Variants in SEMA4C observed in about 807,000 individuals in gnomAD.
The protein encoded by SEMA4C is semaphorin-4C.
A neutral mutation model predicts 89.0 loss-of-function variants in SEMA4C; 19 were observed. The ratio of observed to expected loss-of-function variants is 0.21; its 90% CI spans 0.15 to 0.31. The LOEUF (loss-of-function observed/expected upper bound fraction) is 0.31. Ranked by LOEUF, SEMA4C falls within the 10% of genes least tolerant of loss-of-function variation. The pLI, the probability that SEMA4C is intolerant of heterozygous loss-of-function variation, is 1.00. For missense variants in SEMA4C, 811 were observed against 1,107.0 expected, an observed-to-expected ratio of 0.73 and a Z score of 3.79; for synonymous variants, 428 against 472.7, an observed-to-expected ratio of 0.91 and a Z score of 1.23.
rs1472689531 is a variant in SEMA4C, at chr2:96,860,694, C to T, written c.2434G>A (p.Glu812Lys). 6.2e-7 allele frequency: 1 copy of T among 1,613,464 alleles called. No individual in the cohort carries two copies. Among genetic ancestry groups the T allele is most frequent in the Non-Finnish European group, 8.5e-7 (1 of 1,179,924 alleles). Residue 812 changes from glutamate to lysine, a missense_variant, in exon 15 of 15, where the codon GAA becomes AAA. By Grantham distance (56) the Glu-to-Lys change is moderately conservative. Coordinates refer to ENST00000305476, the MANE Select transcript of SEMA4C (RefSeq NM_017789.5). Reference protein sequence around the residue: ...LGHPLPELADELRRKLQQRQP... With the variant: ...LGHPLPELADKLRRKLQQRQP... ...CGTTGCTGCAGTTTGCGTCTCAGTT[C>T]ATCCGCGAGCTCAGGCAGGGGGTGC...
In SEMA4C at chr2:96,860,972, G is replaced by A. The variant is rs185428881; in HGVS notation, c.2156C>T (p.Pro719Leu). 1.2e-6 allele frequency: 2 copies of A among 1,613,026 alleles called. No homozygotes were observed. The highest frequency in any genetic ancestry group is 1.1e-5 in the South Asian group (1 of 91,090). Residue 719 changes from proline to leucine, a missense_variant, in exon 15 of 15, where the codon CCC (proline) becomes CTC (leucine). By Grantham distance (98) the Pro-to-Leu change is moderately conservative. Coordinates refer to ENST00000305476, the MANE Select transcript of SEMA4C (RefSeq NM_017789.5). ...LELPKEPTSP[P>L]FRPCPEPDEK... ...ATCTGGTTCAGGACAGGGCCGGAAG[G>A]GGGGACTGGTGGGCTCCTTGGGCAG...
At chr2:96,863,264 A>G in intron 12 of SEMA4C, 1 of 1,016,270 alleles carries the variant, frequency 9.8e-7, no homozygotes, top group Non-Finnish European at 1.2e-6. Flanking sequence ...ACTTCAGGGA[A>G]ACAGTCACGG....
upstream of SEMA4C, chr2:96,870,584 C>A: frequency 2.0e-6 from 2 of 985,478 alleles, no homozygotes; most frequent in Non-Finnish European, 2.4e-6. Context: ...TTCTAGGCCC[C>A]GAGGACCACT....
intron 2 of SEMA4C, chr2:96,866,973 C>T (rs929647353): frequency 7.8e-6 from 2 of 256,842 alleles, no homozygotes; most frequent in East Asian, 2.0e-4. Context: ...GGGAGCTGGG[C>T]TGTGAGCCAG....
rs371408044 is a variant in SEMA4C, at chr2:96,861,594, G to A, written c.1657C>T (p.Arg553Cys). The change falls in exon 14 of 15, where the codon CGT becomes TGT. Residue 553 changes from arginine to cysteine, a missense_variant. By Grantham distance (180) the Arg-to-Cys change is radical. Coordinates refer to ENST00000305476, the MANE Select transcript of SEMA4C (RefSeq NM_017789.5). This position sits in a 1 kb window ranked among gnomAD's most constrained non-coding sequence, Gnocchi z 7.8. ...TSDTSGICNLRGSKKVRPTPK... is the reference protein window; with the variant it reads ...TSDTSGICNLCGSKKVRPTPK... ...AAAAGCTCACCTTTCTTACTGCCACGGAGGTTGCAGATGCCTGAAGTGTCC... is the reference window on the plus strand; with the variant it reads ...AAAAGCTCACCTTTCTTACTGCCACAGAGGTTGCAGATGCCTGAAGTGTCC... 43 of 1,585,736 alleles carry A rather than the reference G, an allele frequency of 2.7e-5. No individual in the cohort carries two copies. The highest frequency in any genetic ancestry group is 2.0e-4 in the East Asian group (9 of 44,480).
rs374845491 is a variant in SEMA4C at position 96,861,663 on chromosome 2, T to C, written c.1602-14A>G. On this transcript the variant is annotated splice_polypyrimidine_tract_variant and intron_variant, in intron 13 of 14. Transcript: ENST00000305476. The surrounding 1 kb of genome is among the most constrained non-coding windows in gnomAD (Gnocchi z 7.8). ...ATCAGTAGAGATCTGGTAGGGGATG[T>C]AGGGTACATCAGCAGCCTGGCTCCA... 23 of 1,587,700 alleles carry C rather than the reference T, an allele frequency of 1.4e-5. No homozygotes were observed. The African/African-American group carries it at 2.4e-4, about 17-fold the overall frequency.
At chr2:96,868,465 C>A in intron 1 of SEMA4C, 1 of 994,460 alleles carries the variant, frequency 1.0e-6, no homozygotes. Flanking sequence ...CTGTCCCCTT[C>A]CCCAGCGCAG....
chr2:96,861,476 G>A lies in SEMA4C; in HGVS notation c.1673-21C>T, dbSNP rs771390469. The A allele has an allele frequency of 9.3e-6, 15 of 1,612,806 alleles. No individual in the cohort carries two copies. The stretch of plus-strand genomic sequence containing the variant: ...CCTGACTGTAGTGGCAGAGAAAACA[G>A]AGTGCATGTTAGTGCAGGAAAGCAG... On this transcript the variant is annotated intron_variant, in intron 14 of 14. Transcript: ENST00000305476. This position sits in a 1 kb window ranked among gnomAD's most constrained non-coding sequence, Gnocchi z 7.8.
At chr2:96,865,160 G>C (rs1470882853) in intron 7 of SEMA4C, 44 bp downstream of exon 7, 3 of 1,605,214 alleles carry the variant, frequency 1.9e-6, no homozygotes, top group Non-Finnish European at 2.6e-6. Context: ...TGGGCCCCGG[G>C]GGACCTCCCA....
At position 96,864,492 on chromosome 2, in the gene SEMA4C, C is replaced by T; in HGVS notation, c.963-110G>A. The T allele has an allele frequency of 6.7e-7, 1 of 1,502,548 alleles. No homozygotes were observed. Among genetic ancestry groups the T allele is most frequent in the Non-Finnish European group, 9.0e-7 (1 of 1,108,576 alleles). The allele number at this position is 1,502,548 out of a possible 1,614,324, so 93.1% of individuals were successfully genotyped here. A position where few individuals can be genotyped will look rare whatever the true frequency, so the allele number is the denominator to read the frequency against. On this transcript the variant is annotated intron_variant, in intron 9 of 14. Coordinates refer to ENST00000305476, the MANE Select transcript of SEMA4C (RefSeq NM_017789.5). The surrounding 1 kb of genome is among the most constrained non-coding windows in gnomAD (Gnocchi z 6.3). ...GCCTGGCACAAACTGGCCATGGGTACCAGAATGCCCTGGCAGCTCAAGTGC... is the reference window on the plus strand; with the variant it reads ...GCCTGGCACAAACTGGCCATGGGTATCAGAATGCCCTGGCAGCTCAAGTGC...
Position 96,860,327 on chromosome 2 carries a change from T to C in SEMA4C, c.*299A>G, listed in dbSNP as rs1275790774. ...ACACACACACAAACACATGTGCAAA[T>C]ACAGACAAACACACATCTTGAAACT... On this transcript the variant is annotated 3_prime_UTR_variant, in exon 15 of 15. Transcript: ENST00000305476. The C allele has an allele frequency of 2.2e-6, 1 of 454,986 alleles. No homozygotes were observed. The highest frequency in any genetic ancestry group is 2.0e-5 in the African/African-American group (1 of 50,868). The allele number at this position is 454,986 out of a possible 1,614,324, so 28.2% of individuals were successfully genotyped here.
In SEMA4C at chr2:96,859,883, C is replaced by T. The variant is rs1432095235; in HGVS notation, c.*743G>A. On this transcript the variant is annotated 3_prime_UTR_variant, in exon 15 of 15. Coordinates refer to ENST00000305476, the MANE Select transcript of SEMA4C (RefSeq NM_017789.5). Reference sequence around the variant, plus strand: ...TATGCCATTGTCCACAGCAGGCCCACCCTCTCCCTTCTCTCCCCTCACACA... The same window carrying T: ...TATGCCATTGTCCACAGCAGGCCCATCCTCTCCCTTCTCTCCCCTCACACA... 6.6e-6 allele frequency: 1 copy of T among 152,286 alleles called. No homozygotes were observed. The highest frequency in any genetic ancestry group is 1.5e-5 in the Non-Finnish European group (1 of 68,074). The allele number at this position is 152,286 out of a possible 1,614,324, so 9.4% of individuals were successfully genotyped here. A position where few individuals can be genotyped will look rare whatever the true frequency, so the allele number is the denominator to read the frequency against.
In SEMA4C at chr2:96,864,208, G is replaced by A. The variant is rs766995746; in HGVS notation, c.1107+30C>T. ...GGGTGGGATGGCACCGCAGCTGGGT[G>A]GGGAGATGCATCCCTGCCCTAGCAC... is the stretch of plus-strand genomic sequence containing the variant. On this transcript the variant is annotated intron_variant, in intron 10 of 14. Transcript: ENST00000305476. The surrounding 1 kb of genome is among the most constrained non-coding windows in gnomAD (Gnocchi z 6.3). 3.1e-6 allele frequency: 5 copies of A among 1,613,320 alleles called. No individual in the cohort carries two copies. The South Asian group carries it at 3.3e-5, about 11-fold the overall frequency.
chr2:96,861,277 G>A lies in SEMA4C; in HGVS notation c.1851C>T (p.Ala617=), dbSNP rs1363544115. The change falls in exon 15 of 15, where the codon GCC becomes GCT. Residue 617 remains alanine (A), a synonymous_variant. Transcript: ENST00000305476. The surrounding 1 kb of genome is among the most constrained non-coding windows in gnomAD (Gnocchi z 7.8). ...GGTAGGCCCCGGCATGGCGGGGCTG[G>A]GCAGCCATCACAACCAGGGCCTGGA... The part of the protein sequence containing the change: ...ARLQALVVMA[A]QPRHAGAYHC... 9 of 1,607,874 alleles carry A rather than the reference G, an allele frequency of 5.6e-6. No individual in the cohort carries two copies. The South Asian group carries it at 7.7e-5, about 14-fold the overall frequency.
intron 2 of SEMA4C, among the ~76,000 whole-genome samples, chr2:96,867,487 C>T (rs1332811916): frequency 6.6e-6 from 1 of 152,166 alleles, no homozygotes; most frequent in Non-Finnish European, 1.5e-5. Flanking sequence ...ATCCCGGTTC[C>T]AGTTTCTCTT....
At chr2:96,869,164 G>T (rs1334643907) in intron 1 of SEMA4C, 1 of 985,308 alleles carries the variant, frequency 1.0e-6, no homozygotes, top group Non-Finnish European at 1.2e-6. Context: ...CAAAACGCCC[G>T]CGGCCTCATC....
At chr2:96,868,604 G>A in intron 1 of SEMA4C, 1 of 985,652 alleles carries the variant, frequency 1.0e-6, no homozygotes, top group Non-Finnish European at 1.2e-6. Flanking sequence ...GGAAGTGGGT[G>A]GGATGGGCGT....
Position 96,865,199 on chromosome 2 carries a change from C to G in SEMA4C, c.634+5G>C, listed in dbSNP as rs2080042161. ...ATGGCTCCCACAGGCCCCCCGGTGGCTCACCGTTGAGCCAAAAGGCCAGGT... is the reference window on the plus strand; with the variant it reads ...ATGGCTCCCACAGGCCCCCCGGTGGGTCACCGTTGAGCCAAAAGGCCAGGT... On this transcript the variant is annotated splice_donor_5th_base_variant and intron_variant, in intron 7 of 14. Transcript: ENST00000305476. 8 of 1,613,484 alleles carry G rather than the reference C, an allele frequency of 5.0e-6. No individual in the cohort carries two copies. The highest frequency in any genetic ancestry group is 6.8e-6 in the Non-Finnish European group (8 of 1,179,696).
At chr2:96,868,037 C>T in intron 1 of SEMA4C, 114 bp from the exon 2 acceptor site, 2 of 1,362,610 alleles carry the variant, frequency 1.5e-6, no homozygotes, top group South Asian at 2.7e-5. Flanking sequence ...GCCCCGGTGC[C>T]CTCCTTCCCC....
Sources: gnomAD v4.1 joint callset for allele counts (sites outside exome capture counted in the v4.1 genomes callset) on GRCh38, gnomAD v4.1.1 for gene constraint, Gnocchi (gnomAD v3.1) non-coding constraint, MANE v1.5 for transcripts, NCBI Gene and HGNC (gene_info 2026-07-23, HGNC 2026-07-21) for gene names.